The following TRIM44 variants were observed in gnomAD, a reference collection of about 807,000 sequenced individuals.
TRIM44 encodes tripartite motif containing 44.
TRIM44 carries 13 observed loss-of-function variants against 37.4 expected under a neutral mutation model. The observed-to-expected ratio is 0.35, with a 90% confidence interval of 0.23 to 0.55. The LOEUF (loss-of-function observed/expected upper bound fraction) is 0.55, where lower values mean the gene tolerates loss of function less well. TRIM44 is among the 20% of genes least tolerant of loss of function. The probability of loss-of-function intolerance (pLI) is 0.89; values close to 1 mark genes in which losing one functional copy is unlikely to be tolerated. For synonymous variants in TRIM44, 175 were observed against 157.2 expected (o/e 1.11, Z -0.85); for missense variants, 426 against 437.2 (o/e 0.97, Z 0.23).
At chr11:35,754,788 A>G (rs1236908319) in intron 4 of TRIM44, among the ~76,000 whole-genome samples, 1 of 151,766 alleles carries the variant, frequency 6.6e-6, no homozygotes, top group Non-Finnish European at 1.5e-5. Context: ...GTTTGCTGAG[A>G]ATGATGGTTT....
chr11:35,792,111 A>ACACACACACACACACACACACACCCTCT (rs796092540), intron 4 of TRIM44, among the ~76,000 whole-genome samples: 1 of 114,298 alleles, frequency 8.7e-6, no homozygotes, highest in African/African-American at 3.7e-5. Context: ...ACACACACAC[A>ACACACACACACACACACACACACCCTCT]CTCTCTCTCA....
At chr11:35,665,052 C>G (rs1264369204) in intron 1 of TRIM44, among the ~76,000 whole-genome samples, 1 of 152,222 alleles carries the variant, frequency 6.6e-6, no homozygotes, top group Non-Finnish European at 1.5e-5. Flanking sequence ...CTATGAGTGA[C>G]TGTAGTTTAT....
intron 3 of TRIM44, among the ~76,000 whole-genome samples, chr11:35,727,808 G>A (rs73438958): frequency 0.046 from 7,075 of 152,248 alleles, 552 homozygotes; most frequent in African/African-American, 0.16. Flanking sequence ...TAAGACATAT[G>A]CTAAGCATCC....
Position 35,713,497 on chromosome 11 carries a change from A to G in TRIM44, c.748-12427A>G, listed in dbSNP as rs371914112. On this transcript the variant is annotated intron_variant, in intron 2 of 4. Coordinates refer to ENST00000299413, the MANE Select transcript of TRIM44 (RefSeq NM_017583.6). The stretch of plus-strand genomic sequence containing the variant: ...AGGGTAAAAGTTTACATTGAATATG[A>G]CATGCTTTTTTTTTTTTTTTGGTGA... 5.8e-5 allele frequency among the ~76,000 whole-genome samples: 8 copies of G among 137,394 alleles called. No homozygotes were observed. In the South Asian group the frequency reaches 1.8e-3, roughly 31 times the overall value. The allele number at this position is 137,394 out of a possible 152,430, so 90.1% of individuals were successfully genotyped here.
rs118116716 is a variant in TRIM44, at chr11:35,815,977, G to A, written c.*9592G>A. On this transcript the variant is annotated 3_prime_UTR_variant, in exon 5 of 5. Coordinates refer to ENST00000299413, the MANE Select transcript of TRIM44 (RefSeq NM_017583.6). ...CCTCATGAGGACATGCAAAACTGCTGTCTATCTTCAGACCTGGCCCATTGT... is the reference window on the plus strand; with the variant it reads ...CCTCATGAGGACATGCAAAACTGCTATCTATCTTCAGACCTGGCCCATTGT... The A allele has an allele frequency of 2.6e-5, 4 of 151,836 alleles. No homozygotes were observed. The highest frequency in any genetic ancestry group is 1.9e-4 in the East Asian group (1 of 5,190). The allele number at this position is 151,836 out of a possible 1,614,324, so 9.4% of individuals were successfully genotyped here.
At chr11:35,744,535 A>C (rs555786485) in intron 4 of TRIM44, among the ~76,000 whole-genome samples, 21 of 152,276 alleles carry the variant, frequency 1.4e-4, no homozygotes, top group African/African-American at 4.6e-4. Flanking sequence ...ATTTAAATTT[A>C]ACTGGGCACC....
intron 4 of TRIM44, among the ~76,000 whole-genome samples, chr11:35,767,039 G>A (rs1476689801): frequency 2.6e-5 from 4 of 152,154 alleles, no homozygotes; most frequent in East Asian, 1.9e-4. Flanking sequence ...GGCAAGATTC[G>A]TAAACAACAC....
In TRIM44 at chr11:35,725,819, T is replaced by C. The variant is rs1265840258; in HGVS notation, c.748-105T>C. On this transcript the variant is annotated intron_variant, in intron 2 of 4. Transcript: ENST00000299413. Reference sequence around the variant, plus strand: ...ATATTCCCAAAACTTTAGGATTGGATAGGATCCATGGTGTGTATTTTGGCC... The same window carrying C: ...ATATTCCCAAAACTTTAGGATTGGACAGGATCCATGGTGTGTATTTTGGCC... The C allele has an allele frequency of 2.4e-6, 3 of 1,236,522 alleles. No homozygotes were observed. The East Asian group carries it at 7.2e-5, about 30-fold the overall frequency. The allele number at this position is 1,236,522 out of a possible 1,614,324, so 76.6% of individuals were successfully genotyped here.
At chr11:35,748,114 C>G (rs1394509747) in intron 4 of TRIM44, among the ~76,000 whole-genome samples, 1 of 152,042 alleles carries the variant, frequency 6.6e-6, no homozygotes, top group East Asian at 1.9e-4. Flanking sequence ...AAGATTGTCA[C>G]GTAGGCTGTG....
At chr11:35,770,406 A>G (rs1304691237) in intron 4 of TRIM44, among the ~76,000 whole-genome samples, 28 of 152,146 alleles carry the variant, frequency 1.8e-4, no homozygotes, top group Admixed American at 1.3e-3. Flanking sequence ...TTTATTTTGT[A>G]TTGGATATAT....
intron 4 of TRIM44, among the ~76,000 whole-genome samples, chr11:35,800,277 G>A (rs528921598): frequency 4.6e-5 from 7 of 152,270 alleles, no homozygotes; most frequent in Admixed American, 1.3e-4. Context: ...AAGAGTGAGC[G>A]AGCAGCAAGA....
rs1853524888 is a variant in TRIM44 at position 35,811,256 on chromosome 11, T to G, written c.*4871T>G. On this transcript the variant is annotated 3_prime_UTR_variant, in exon 5 of 5. Coordinates refer to ENST00000299413, the MANE Select transcript of TRIM44 (RefSeq NM_017583.6). ...GAACAGACTTAAGATCATTATTATT[T>G]AGTGATAAGTTTTCTCCTCAAAGTA... is the stretch of plus-strand genomic sequence containing the variant. The G allele has an allele frequency of 6.6e-6, 1 of 152,164 alleles. No individual in the cohort carries two copies. Among genetic ancestry groups the G allele is most frequent in the Admixed American group, 6.6e-5 (1 of 15,264 alleles). 9.4% of individuals were successfully genotyped at this position (152,164 alleles called of 1,614,324 possible).
chr11:35,816,183 T>C lies in TRIM44; in HGVS notation c.*9798T>C, dbSNP rs1853578888. On this transcript the variant is annotated 3_prime_UTR_variant, in exon 5 of 5. Transcript: ENST00000299413. Reference sequence around the variant, plus strand: ...GAGCCTCATGGATTCCAGGCACAAATTCTCAGATTTCAGATGTTTGGGAAA... The same window carrying C: ...GAGCCTCATGGATTCCAGGCACAAACTCTCAGATTTCAGATGTTTGGGAAA... 6.6e-6 allele frequency: 1 copy of C among 152,114 alleles called. No individual in the cohort carries two copies. Among genetic ancestry groups the C allele is most frequent in the Non-Finnish European group, 1.5e-5 (1 of 68,016 alleles). 9.4% of individuals were successfully genotyped at this position (152,114 alleles called of 1,614,324 possible).
intron 4 of TRIM44, among the ~76,000 whole-genome samples, chr11:35,779,776 A>G (rs139910266): frequency 1.3e-5 from 2 of 151,372 alleles, no homozygotes; most frequent in South Asian, 2.1e-4. Flanking sequence ...TTTTTTGTAT[A>G]TGGTAAAAGG....
intron 4 of TRIM44, among the ~76,000 whole-genome samples, chr11:35,740,826 C>T (rs1852388144): frequency 6.6e-6 from 1 of 152,134 alleles, no homozygotes; most frequent in African/African-American, 2.4e-5. Context: ...AGTCTTTTAT[C>T]ACATATGGAG....
At chr11:35,750,281 T>A (rs1409697369) in intron 4 of TRIM44, among the ~76,000 whole-genome samples, 1 of 152,182 alleles carries the variant, frequency 6.6e-6, no homozygotes, top group Non-Finnish European at 1.5e-5. Context: ...TCCTCCACAT[T>A]TGAGGGGCAT....
chr11:35,792,111 A>ACACACTCT (rs796092540), intron 4 of TRIM44, among the ~76,000 whole-genome samples: 27 of 114,356 alleles, frequency 2.4e-4, no homozygotes, highest in African/African-American at 3.0e-4. Flanking sequence ...ACACACACAC[A>ACACACTCT]CTCTCTCTCA....
At chr11:35,770,437 G>A (rs1402938702) in intron 4 of TRIM44, among the ~76,000 whole-genome samples, 3 of 152,158 alleles carry the variant, frequency 2.0e-5, no homozygotes, top group Non-Finnish European at 4.4e-5. Flanking sequence ...GGGATTGCTG[G>A]GTTGAATAAT....
At chr11:35,695,805 A>C (rs775449209) in intron 2 of TRIM44, among the ~76,000 whole-genome samples, 4 of 152,154 alleles carry the variant, frequency 2.6e-5, no homozygotes, top group Non-Finnish European at 4.4e-5. Flanking sequence ...ATATACTCAG[A>C]CATATTAGAA....
Sources: gnomAD v4.1 joint callset for allele counts (sites outside exome capture counted in the v4.1 genomes callset) on GRCh38, gnomAD v4.1.1 for gene constraint, MANE v1.5 for transcripts, NCBI Gene and HGNC (gene_info 2026-07-23, HGNC 2026-07-21) for gene names.